Variants in DPY19L2 observed in about 807,000 individuals in gnomAD.
DPY19L2 encodes the protein probable C-mannosyltransferase DPY19L2.
DPY19L2 carries 34 observed loss-of-function variants against 97.9 expected under a neutral mutation model. The ratio of observed to expected loss-of-function variants is 0.35; its 90% CI spans 0.26 to 0.46. The LOEUF is 0.46. Ranked by LOEUF, DPY19L2 falls within the 20% of genes least tolerant of loss-of-function variation. The pLI is 1.00. For synonymous variants in DPY19L2, 230 were observed against 307.9 expected, an observed-to-expected ratio of 0.75 and a Z score of 2.65; for missense variants, 623 against 911.4, an observed-to-expected ratio of 0.68 and a Z score of 4.07.
At position 63,626,515 on chromosome 12, in the gene DPY19L2, A is replaced by T; in HGVS notation, c.815T>A (p.Leu272Gln). The change falls in exon 7 of 22, where the codon CTG becomes CAG. Residue 272 changes from leucine (L) to glutamine (Q), a missense_variant. Around this residue, in one of 6 missense-constraint regions of DPY19L2, gnomAD observed 67 missense variants for 88.0 expected, o/e 0.76. Transcript: ENST00000324472. ...GCACAGTACTGTAATAAGACCTCCC[A>T]GTTGAGTCCCACTGTAAAAAAAAAA... ...MYGAYLSGTQ[L>Q]GGLITVLCFF... is the part of the protein sequence containing the mutation. 3 of 1,537,018 alleles carry T rather than the reference A, an allele frequency of 2.0e-6. No homozygotes were observed. The highest frequency in any genetic ancestry group is 2.6e-6 in the Non-Finnish European group (3 of 1,141,276).
intron 2 of DPY19L2, 105 bp downstream of exon 2, chr12:63,665,730 G>T (rs1345666605): frequency 2.1e-6 from 2 of 957,964 alleles, no homozygotes; most frequent in Non-Finnish European, 3.1e-6. Flanking sequence ...ACATAAAGAT[G>T]TTCTACAAAT....
chr12:63,641,352 T>A (rs1331506197), intron 6 of DPY19L2, among the ~76,000 whole-genome samples: 4 of 152,132 alleles, frequency 2.6e-5, no homozygotes, highest in African/African-American at 9.7e-5. Context: ...AGCTCATAGA[T>A]CTATTGTAAA....
intron 6 of DPY19L2, among the ~76,000 whole-genome samples, chr12:63,641,511 A>G (rs533442243): frequency 1.3e-5 from 2 of 152,212 alleles, no homozygotes; most frequent in African/African-American, 4.8e-5. Context: ...ATATCAAACT[A>G]TGATTTACTT....
chr12:63,620,814 C>T (rs1217718035), intron 9 of DPY19L2, among the ~76,000 whole-genome samples: 1 of 152,036 alleles, frequency 6.6e-6, no homozygotes, highest in Non-Finnish European at 1.5e-5. Flanking sequence ...AACCCAAATG[C>T]CCATCAGTGA....
At chr12:63,586,436 A>G (rs1236093191) in intron 16 of DPY19L2, among the ~76,000 whole-genome samples, 1 of 152,192 alleles carries the variant, frequency 6.6e-6, no homozygotes, top group Admixed American at 6.5e-5. Flanking sequence ...AACAATCTAG[A>G]AAGTAAATTT....
intron 11 of DPY19L2, among the ~76,000 whole-genome samples, chr12:63,616,783 G>A (rs535467673): frequency 2.6e-5 from 4 of 152,164 alleles, no homozygotes; most frequent in East Asian, 3.9e-4. Flanking sequence ...CAAAATAATC[G>A]GTCTTATGAC....
At chr12:63,577,048 T>C (rs573123964) in intron 19 of DPY19L2, among the ~76,000 whole-genome samples, 31 of 152,084 alleles carry the variant, frequency 2.0e-4, no homozygotes, top group African/African-American at 6.7e-4. Flanking sequence ...TACAGAAGTA[T>C]AGTAACCAAA....
chr12:63,569,627 TA>T (rs1878427547), intron 20 of DPY19L2, among the ~76,000 whole-genome samples: 1 of 152,156 alleles, frequency 6.6e-6, no homozygotes, highest in African/African-American at 2.4e-5. Context: ...CAGCTTAGGA[TA>T]TACAATTTTC....
chr12:63,644,520 G>C lies in DPY19L2; in HGVS notation c.710-24C>G, dbSNP rs552447380. 1.5e-5 allele frequency: 24 copies of C among 1,598,660 alleles called. No individual in the cohort carries two copies. In the East Asian group the frequency reaches 4.7e-4, roughly 31 times the overall value. On this transcript the variant is annotated intron_variant, in intron 5 of 21. Transcript: ENST00000324472. ...TCCTTTGAAAAGATACAGATAATCA[G>C]TGTTTAATGAATATATGACTCTAAG...
Position 63,573,332 on chromosome 12 carries a change from T to C in DPY19L2, c.1901-2475A>G, listed in dbSNP as rs537802323. Among the ~76,000 whole-genome samples, 5 of 152,026 alleles carry C rather than the reference T, an allele frequency of 3.3e-5. No homozygotes were observed. In the East Asian group the frequency reaches 9.7e-4, roughly 29 times the overall value. ...ACTGAAGAATGTATCAGTCTTTTAATAGCAGAATTGATCAAGCAGAAGAAA... is the reference window on the plus strand; with the variant it reads ...ACTGAAGAATGTATCAGTCTTTTAACAGCAGAATTGATCAAGCAGAAGAAA... On this transcript the variant is annotated intron_variant, in intron 19 of 21. Coordinates refer to ENST00000324472, the MANE Select transcript of DPY19L2 (RefSeq NM_173812.5).
intron 6 of DPY19L2, among the ~76,000 whole-genome samples, chr12:63,639,178 T>C (rs572173105): frequency 3.1e-4 from 47 of 152,274 alleles, no homozygotes; most frequent in African/African-American, 9.1e-4. Context: ...TGAATCCCTT[T>C]CTTACACCTT....
At chr12:63,585,430 A>T (rs1881625889) in intron 16 of DPY19L2, among the ~76,000 whole-genome samples, 1 of 152,128 alleles carries the variant, frequency 6.6e-6, no homozygotes, top group Non-Finnish European at 1.5e-5. Context: ...TACCCTTTGT[A>T]TGCAGTAGTT....
intron 12 of DPY19L2, among the ~76,000 whole-genome samples, chr12:63,603,259 T>C (rs1885477999): frequency 6.6e-6 from 1 of 152,188 alleles, no homozygotes; most frequent in Non-Finnish European, 1.5e-5. Flanking sequence ...GAAATACACA[T>C]GGGAAGAATA....
At chr12:63,586,350 T>C (rs1484859296) in intron 16 of DPY19L2, among the ~76,000 whole-genome samples, 1 of 152,164 alleles carries the variant, frequency 6.6e-6, no homozygotes, top group African/African-American at 2.4e-5. Flanking sequence ...TCAGTAAAAT[T>C]TGAAGTCAAG....
chr12:63,584,029 G>A (rs570317949), intron 16 of DPY19L2, 193 bp from the exon 17 acceptor site: 1 of 536,692 alleles, frequency 1.9e-6, no homozygotes, highest in African/African-American at 1.9e-5. Flanking sequence ...ATAATTTATA[G>A]TCATCCTATT....
intron 21 of DPY19L2, among the ~76,000 whole-genome samples, chr12:63,565,679 G>A (rs1565690463): frequency 1.3e-5 from 2 of 152,084 alleles, no homozygotes; most frequent in South Asian, 4.2e-4. Context: ...TACACTTAAT[G>A]TGATAATTGA....
intron 21 of DPY19L2, among the ~76,000 whole-genome samples, chr12:63,562,492 G>T (rs1261323125): frequency 6.7e-6 from 1 of 149,194 alleles, no homozygotes; most frequent in East Asian, 1.9e-4. Context: ...GAACATTTGT[G>T]TACAATTACT....
chr12:63,616,033 C>T (rs1461474067), intron 11 of DPY19L2, among the ~76,000 whole-genome samples: 1 of 152,050 alleles, frequency 6.6e-6, no homozygotes, highest in Non-Finnish European at 1.5e-5. Flanking sequence ...TTATAAGTAA[C>T]CTAGAGATGA....
At chr12:63,654,057 C>T (rs1048548025) in intron 4 of DPY19L2, among the ~76,000 whole-genome samples, 2 of 151,812 alleles carry the variant, frequency 1.3e-5, no homozygotes, top group African/African-American at 4.8e-5. Flanking sequence ...TTAGAACAGA[C>T]ATCTATTCTA....
Sources: allele counts gnomAD v4.1 joint callset (sites outside exome capture counted in the v4.1 genomes callset), GRCh38; gene constraint gnomAD v4.1.1; regional missense constraint gnomAD v4.1.1; transcripts MANE v1.5; gene names NCBI Gene and HGNC (gene_info 2026-07-23, HGNC 2026-07-21).